Variants in PEX14 observed in about 807,000 individuals in gnomAD.
The protein encoded by PEX14 is peroxisomal membrane protein PEX14.
In PEX14, 15 loss-of-function variants were observed where a neutral mutation model predicts 49.5. The ratio of observed to expected loss-of-function variants is 0.30; its 90% CI spans 0.20 to 0.47. The LOEUF (loss-of-function observed/expected upper bound fraction) is 0.47, where lower values mean the gene tolerates loss of function less well. Among genes scored for constraint, PEX14 ranks in the 20% least tolerant of loss-of-function variants. The pLI, the probability that PEX14 is intolerant of heterozygous loss-of-function variation, is 1.00. For missense variants in PEX14, 398 were observed against 494.8 expected, an observed-to-expected ratio of 0.80 and a Z score of 1.86; for synonymous variants, 210 against 212.7, an observed-to-expected ratio of 0.99 and a Z score of 0.11.
At chr1:10,625,582 C>T (rs1370345143) in intron 7 of PEX14, among the ~76,000 whole-genome samples, 1 of 152,212 alleles carries the variant, frequency 6.6e-6, no homozygotes, top group Non-Finnish European at 1.5e-5. Context: ...CCTGCTCTTC[C>T]TCCTGGGATG....
At chr1:10,510,191 C>A (rs1442419526) in intron 2 of PEX14, among the ~76,000 whole-genome samples, 1 of 152,178 alleles carries the variant, frequency 6.6e-6, no homozygotes, top group Non-Finnish European at 1.5e-5. Flanking sequence ...TTACAGGTTT[C>A]AGCCTCATTT....
At chr1:10,601,262 CAAAAAAAA>C (rs58910333) in intron 4 of PEX14, among the ~76,000 whole-genome samples, 3 of 57,032 alleles carry the variant, frequency 5.3e-5, no homozygotes, top group East Asian at 9.2e-4. Context: ...GACTCTGTCT[CAAAAAAAA>C]AAAAAAAAAA....
intron 2 of PEX14, among the ~76,000 whole-genome samples, chr1:10,532,424 G>C (rs1638676418): frequency 6.6e-6 from 1 of 152,052 alleles, no homozygotes; most frequent in Non-Finnish European, 1.5e-5. Context: ...AAACTGGTCT[G>C]TTTTCTTTGG....
At chr1:10,560,741 G>A (rs560855416) in intron 3 of PEX14, among the ~76,000 whole-genome samples, 2 of 123,956 alleles carry the variant, frequency 1.6e-5, no homozygotes, top group African/African-American at 3.0e-5. Flanking sequence ...TTTTTGAGAC[G>A]GAGTCTTGCT....
At chr1:10,604,409 G>A (rs905914444) in intron 4 of PEX14, among the ~76,000 whole-genome samples, 1 of 152,288 alleles carries the variant, frequency 6.6e-6, no homozygotes, top group Non-Finnish European at 1.5e-5. Flanking sequence ...TTTGAAGCTA[G>A]GAGTTCAAGA....
Position 10,536,301 on chromosome 1 carries a change from C to T in PEX14, c.169+4C>T. On this transcript the variant is annotated splice_donor_region_variant and intron_variant, in intron 3 of 8. Coordinates refer to ENST00000356607, the MANE Select transcript of PEX14 (RefSeq NM_004565.3). The stretch of plus-strand genomic sequence containing the variant: ...AGAGCATTCCTAAAGAAGAAAGGTA[C>T]AGGTTCCACAGGGCTGTGCAGCACG... 1.3e-6 allele frequency: 2 copies of T among 1,544,936 alleles called. No homozygotes were observed. The highest frequency in any genetic ancestry group is 9.0e-7 in the Non-Finnish European group (1 of 1,116,314).
chr1:10,620,258 T>A (rs1479053444), intron 5 of PEX14, among the ~76,000 whole-genome samples: 1 of 151,682 alleles, frequency 6.6e-6, no homozygotes, highest in Non-Finnish European at 1.5e-5. Flanking sequence ...GATATTAGCC[T>A]GGCCAACATG....
At chr1:10,491,326 A>G (rs1641467924) in intron 1 of PEX14, among the ~76,000 whole-genome samples, 1 of 152,096 alleles carries the variant, frequency 6.6e-6, no homozygotes, top group Admixed American at 6.6e-5. Flanking sequence ...CCATGACTTG[A>G]GGAATTTGGA....
rs983304415 is a variant in PEX14 at position 10,500,392 on chromosome 1, A to G, written c.84+5071A>G. 4.6e-5 allele frequency among the ~76,000 whole-genome samples: 7 copies of G among 150,798 alleles called. No individual in the cohort carries two copies. In the South Asian group the frequency reaches 6.3e-4, roughly 14 times the overall value. On this transcript the variant is annotated intron_variant, in intron 2 of 8. Coordinates refer to ENST00000356607, the MANE Select transcript of PEX14 (RefSeq NM_004565.3). Reference sequence around the variant, plus strand: ...CTGTCTCAAAAAAAAAAAAAAAAAAAAAAAAAAAAAGAAAAGAAAAGAATA... The same window carrying G: ...CTGTCTCAAAAAAAAAAAAAAAAAAGAAAAAAAAAAGAAAAGAAAAGAATA...
At chr1:10,560,850 T>G (rs1639632673) in intron 3 of PEX14, among the ~76,000 whole-genome samples, 1 of 151,712 alleles carries the variant, frequency 6.6e-6, no homozygotes, top group African/African-American at 2.4e-5. Context: ...CCCAAGTAGC[T>G]GGGATTATAG....
At chr1:10,498,037 T>G (rs1161691072) in intron 2 of PEX14, among the ~76,000 whole-genome samples, 2 of 152,302 alleles carry the variant, frequency 1.3e-5, no homozygotes, top group African/African-American at 4.8e-5. Flanking sequence ...CCCAGCACTT[T>G]GGGAGGCCAA....
At chr1:10,606,685 C>T (rs1275301267) in intron 4 of PEX14, among the ~76,000 whole-genome samples, 1 of 152,144 alleles carries the variant, frequency 6.6e-6, no homozygotes, top group East Asian at 1.9e-4. Flanking sequence ...TCAAATATTA[C>T]AGGGTATGTT....
In PEX14 at chr1:10,567,148, C is replaced by A. The variant is rs115693511; in HGVS notation, c.169+30851C>A. 4.7e-3 allele frequency among the ~76,000 whole-genome samples: 718 copies of A among 152,174 alleles called. 7 individuals are homozygous for A. The highest frequency in any genetic ancestry group is 0.016 in the African/African-American group (680 of 41,538). ...TCTAATTTTCATGTATCATTAAATT[C>A]TTTTTTTGCCTCCTAACTTTAAAAA... On this transcript the variant is annotated intron_variant, in intron 3 of 8. Transcript: ENST00000356607.
intron 3 of PEX14, among the ~76,000 whole-genome samples, chr1:10,584,966 A>T (rs1047639369): frequency 6.6e-6 from 1 of 152,178 alleles, no homozygotes; most frequent in Non-Finnish European, 1.5e-5. Flanking sequence ...ACACAAAAGG[A>T]GGGGTGGAGG....
At chr1:10,588,068 C>T (rs764121566) in intron 3 of PEX14, among the ~76,000 whole-genome samples, 2 of 151,582 alleles carry the variant, frequency 1.3e-5, no homozygotes, top group Non-Finnish European at 2.9e-5. Flanking sequence ...ACTAAAAATA[C>T]GAAAAAATTA....
chr1:10,498,280 TAAAACAAAAC>T (rs70997243), intron 2 of PEX14, among the ~76,000 whole-genome samples: 1,606 of 150,030 alleles, frequency 0.011, 20 homozygotes, highest in African/African-American at 0.035. Flanking sequence ...GCCCTGTCTC[TAAAACAAAAC>T]AAAACAAAAC....
intron 3 of PEX14, among the ~76,000 whole-genome samples, chr1:10,551,308 T>C (rs1639326924): frequency 6.6e-6 from 1 of 152,212 alleles, no homozygotes; most frequent in Non-Finnish European, 1.5e-5. Flanking sequence ...CATGTGGAAA[T>C]GTCCCTTTTT....
intron 5 of PEX14, among the ~76,000 whole-genome samples, chr1:10,621,641 G>A (rs1045352313): frequency 3.3e-5 from 5 of 152,100 alleles, no homozygotes; most frequent in African/African-American, 9.7e-5. Context: ...CACCGCGCCC[G>A]GCCAAGAATT....
Position 10,539,727 on chromosome 1 carries a change from G to A in PEX14, c.169+3430G>A, listed in dbSNP as rs910277013. ...CCAGAAAGTTAGAGGCTTGGAAATT[G>A]TCGTCAATAGGCTTGTGTTGATTTG... On this transcript the variant is annotated intron_variant, in intron 3 of 8. Coordinates refer to ENST00000356607, the MANE Select transcript of PEX14 (RefSeq NM_004565.3). This position sits in a 1 kb window ranked among gnomAD's most constrained non-coding sequence, Gnocchi z 4.6. Among the ~76,000 whole-genome samples the A allele has an allele frequency of 3.3e-5, 5 of 152,094 alleles. No homozygotes were observed. The highest frequency in any genetic ancestry group is 3.9e-4 in the East Asian group (2 of 5,184).
Sources: gnomAD v4.1 joint callset for allele counts (sites outside exome capture counted in the v4.1 genomes callset) on GRCh38, gnomAD v4.1.1 for gene constraint, Gnocchi (gnomAD v3.1) non-coding constraint, MANE v1.5 for transcripts, NCBI Gene and HGNC (gene_info 2026-07-23, HGNC 2026-07-21) for gene names.